Variants in CACNA1F observed in about 807,000 individuals in gnomAD.
The protein encoded by CACNA1F is calcium voltage-gated channel subunit alpha1 F.
In CACNA1F, 59 loss-of-function variants were observed where a neutral mutation model predicts 143.8. The ratio of observed to expected loss-of-function variants is 0.41; its 90% CI spans 0.33 to 0.51. CACNA1F has a LOEUF of 0.51. CACNA1F is among the 20% of genes least tolerant of loss of function. CACNA1F has a pLI of 0.22. For synonymous variants in CACNA1F, 643 were observed against 649.1 expected (o/e 0.99, Z 0.14); for missense variants, 1,411 against 1,647.5 (o/e 0.86, Z 2.48).
chrX:49,206,325 A>G (rs868990127), intron 46 of CACNA1F, among the ~76,000 whole-genome samples, 186 bp downstream of exon 46: 4 of 89,398 alleles, frequency 4.5e-5, no homozygotes, highest in Non-Finnish European at 6.2e-5. Flanking sequence ...CCCGGGAGGC[A>G]GGGGTTACAG....
At position 49,230,997 on chromosome X, in the gene CACNA1F, T is replaced by C. The variant is rs368266399; in HGVS notation, c.382-8A>G. 2 of 718,434 alleles carry C rather than the reference T, an allele frequency of 2.8e-6. No individual in the cohort carries two copies. The highest frequency in any genetic ancestry group is 3.0e-5 in the African/African-American group (1 of 33,051). 59.2% of individuals were successfully genotyped at this position (718,434 alleles called of 1,213,427 possible). Reference sequence around the variant, plus strand: ...TACGTACTCCACCTGCTCCTGGGGGTGGGACCGGGGGGCGGGTCGGGAAGT... The same window carrying C: ...TACGTACTCCACCTGCTCCTGGGGGCGGGACCGGGGGGCGGGTCGGGAAGT... On this transcript the variant is annotated splice_region_variant and splice_polypyrimidine_tract_variant and intron_variant, in intron 3 of 47. Transcript: ENST00000323022.
chrX:49,220,482 C>T lies in CACNA1F; in HGVS notation c.2377G>A (p.Glu793Lys), dbSNP rs782325266. The change falls in exon 19 of 48, where the codon GAA (glutamate) becomes AAA (lysine). Residue 793 changes from glutamate to lysine, a missense_variant. By Grantham distance (56) the Glu-to-Lys change is moderately conservative. This residue lies in a region of CACNA1F where 950 missense variants were observed against 1,128.1 expected (regional missense o/e 0.84). Transcript: ENST00000323022. The part of the protein sequence containing the change: ...EKEEEEGARR[E>K]GADMEEEEEE... Reference sequence around the variant, plus strand: ...GGCCCTGCCCACTTGCCTGCTCCTTCCCTCCTTGCACCCTCCTCTTCCTCT... The same window carrying T: ...GGCCCTGCCCACTTGCCTGCTCCTTTCCTCCTTGCACCCTCCTCTTCCTCT... The T allele has an allele frequency of 8.3e-7, 1 of 1,208,766 alleles. No homozygotes were observed. Among genetic ancestry groups the T allele is most frequent in the South Asian group, 1.8e-5 (1 of 56,542 alleles).
intron 37 of CACNA1F, 131 bp downstream of exon 37, chrX:49,210,834 G>A: frequency 2.3e-6 from 2 of 864,552 alleles, no homozygotes; most frequent in Non-Finnish European, 3.4e-6. Context: ...GGCAGAGGAT[G>A]GGGCAGTGGA....
chrX:49,217,932 A>C lies in CACNA1F; in HGVS notation c.3002T>G (p.Phe1001Cys), dbSNP rs1265734269. ...NIMIVTTLLQ[F>C]MFACIGVQLF... ...CTGCACCCCGATGCAGGCGAACATA[A>C]ATTGCAGAAGTGTGGTGACAATCAT... Residue 1001 changes from phenylalanine to cysteine, a missense_variant, in exon 25 of 48, where the codon TTT (phenylalanine) becomes TGT (cysteine). Phe to Cys is a radical substitution (Grantham distance 205). Coordinates refer to ENST00000323022, the MANE Select transcript of CACNA1F (RefSeq NM_001256789.3). The C allele has an allele frequency of 8.3e-7, 1 of 1,208,586 alleles. No homozygotes were observed. Among genetic ancestry groups the C allele is most frequent in the African/African-American group, 1.8e-5 (1 of 56,882 alleles).
intron 26 of CACNA1F, 58 bp from the exon 27 acceptor site, chrX:49,216,586 T>C: frequency 9.4e-7 from 1 of 1,065,892 alleles, no homozygotes. Context: ...GGGGAAAGGG[T>C]CTGGGGTCTC....
rs1433348460 is a variant in CACNA1F, at chrX:49,228,241, T to A, written c.1014+10A>T. On this transcript the variant is annotated intron_variant, in intron 7 of 47. Coordinates refer to ENST00000323022, the MANE Select transcript of CACNA1F (RefSeq NM_001256789.3). Reference sequence around the variant, plus strand: ...CAGCCTTTGAGCTCTGTGCCCACAGTCCACCTCACCCAGTAGAGCACATCG... The same window carrying A: ...CAGCCTTTGAGCTCTGTGCCCACAGACCACCTCACCCAGTAGAGCACATCG... 2 of 1,206,726 alleles carry A rather than the reference T, an allele frequency of 1.7e-6. No individual in the cohort carries two copies. Among genetic ancestry groups the A allele is most frequent in the Non-Finnish European group, 2.2e-6 (2 of 891,687 alleles).
intron 26 of CACNA1F, 35 bp from the exon 27 acceptor site, chrX:49,216,563 G>A: frequency 8.5e-7 from 1 of 1,176,775 alleles, no homozygotes; most frequent in Non-Finnish European, 1.1e-6. Flanking sequence ...TGGGTGAGGA[G>A]GGGTGAGGAA....
intron 8 of CACNA1F, among the ~76,000 whole-genome samples, chrX:49,227,581 C>G (rs1474649442): frequency 8.9e-6 from 1 of 112,346 alleles, no homozygotes; most frequent in Non-Finnish European, 1.9e-5. Context: ...CTGCCTTGGC[C>G]TCCCATAGTG....
intron 1 of CACNA1F, 100 bp from the exon 2 acceptor site, chrX:49,232,027 G>C: frequency 3.4e-6 from 3 of 891,449 alleles, no homozygotes; most frequent in African/African-American, 2.0e-5. Context: ...GGAGAGAAGA[G>C]CATGGAAAAT....
At position 49,218,625 on chromosome X, in the gene CACNA1F, T is replaced by G. The variant is rs781973459; in HGVS notation, c.2840+4A>C. On this transcript the variant is annotated splice_donor_region_variant and intron_variant, in intron 23 of 47. Coordinates refer to ENST00000323022, the MANE Select transcript of CACNA1F (RefSeq NM_001256789.3). ...ATGGGGTGGGCTGGGGATCTGTCAC[T>G]TACTGGATGCCAAAGGAGATGAGGG... 1.7e-6 allele frequency: 2 copies of G among 1,193,490 alleles called. No individual in the cohort carries two copies. Among genetic ancestry groups the G allele is most frequent in the South Asian group, 1.8e-5 (1 of 54,958 alleles).
At chrX:49,228,710 G>A (rs374997754) in intron 6 of CACNA1F, among the ~76,000 whole-genome samples, 8 of 112,476 alleles carry the variant, frequency 7.1e-5, no homozygotes, top group African/African-American at 1.3e-4. Context: ...GATTACCGGC[G>A]TGTGCCACAA....
intron 26 of CACNA1F, among the ~76,000 whole-genome samples, chrX:49,217,137 T>G (rs2065725509): frequency 9.0e-6 from 1 of 111,714 alleles, no homozygotes; most frequent in African/African-American, 3.3e-5. Flanking sequence ...TTTTGTATTT[T>G]TAGTGGAGAC....
chrX:49,228,344 A>G lies in CACNA1F; in HGVS notation c.921T>C (p.Asn307=). ...TECRGRWPGP[N]GGITNFDNFF... is the part of the protein sequence containing the mutation. ...AGTTGTCAAAGTTGGTGATGCCTCC[A>G]TTGGGCCCTGGCCAGCGCCCGCGGC... Residue 307 remains asparagine, a synonymous_variant, in exon 7 of 48, where the codon AAT becomes AAC. Coordinates refer to ENST00000323022, the MANE Select transcript of CACNA1F (RefSeq NM_001256789.3). 1 of 1,211,040 alleles carries G rather than the reference A, an allele frequency of 8.3e-7. No individual in the cohort carries two copies. The highest frequency in any genetic ancestry group is 1.1e-6 in the Non-Finnish European group (1 of 894,674).
At chrX:49,225,061 TG>T in intron 13 of CACNA1F, 75 bp from the exon 14 acceptor site, 2 of 670,001 alleles carry the variant, frequency 3.0e-6, no homozygotes, top group East Asian at 3.5e-5. Flanking sequence ...CTAGGGACCA[TG>T]GGGTGACCCA....
intron 26 of CACNA1F, among the ~76,000 whole-genome samples, chrX:49,217,291 T>C (rs944665340): frequency 7.1e-5 from 8 of 113,070 alleles, no homozygotes; most frequent in African/African-American, 2.6e-4. Flanking sequence ...AACTTTACAT[T>C]GTACAAAGTA....
intron 32 of CACNA1F, 63 bp from the exon 33 acceptor site, chrX:49,212,858 A>T: frequency 6.8e-6 from 8 of 1,181,650 alleles, no homozygotes; most frequent in Non-Finnish European, 9.2e-6. Flanking sequence ...TCCCTATCTC[A>T]TGCTTTGGCC....
At chrX:49,212,914 T>C in intron 32 of CACNA1F, 60 bp downstream of exon 32, 1 of 1,176,836 alleles carries the variant, frequency 8.5e-7, no homozygotes, top group Admixed American at 2.3e-5. Flanking sequence ...TCTGGAGGGA[T>C]GGAGGGACAG....
chrX:49,221,361 G>A (rs2065773250), intron 17 of CACNA1F, among the ~76,000 whole-genome samples: 1 of 111,063 alleles, frequency 9.0e-6, no homozygotes, highest in Admixed American at 9.6e-5. Context: ...TTCCTCCACT[G>A]ACCTTCACTC....
chrX:49,223,008 C>A lies in CACNA1F; in HGVS notation c.2006G>T (p.Gly669Val). 8.3e-7 allele frequency: 1 copy of A among 1,198,663 alleles called. No homozygotes were observed. The highest frequency in any genetic ancestry group is 1.1e-6 in the Non-Finnish European group (1 of 888,708). Reference sequence around the variant, plus strand: ...GTGGGTCTGGTCAAAGTTGAACTTGCCCCCAAACAGCTGCATGCCAAGCAG... The same window carrying A: ...GTGGGTCTGGTCAAAGTTGAACTTGACCCCAAACAGCTGCATGCCAAGCAG... ...FSLLGMQLFG[G>V]KFNFDQTHTK... The change falls in exon 15 of 48, where the codon GGC (glycine) becomes GTC (valine). Residue 669 changes from glycine to valine, a missense_variant. Gly to Val is a moderately radical substitution (Grantham distance 109). Transcript: ENST00000323022.
Sources: allele counts gnomAD v4.1 joint callset (sites outside exome capture counted in the v4.1 genomes callset), GRCh38; gene constraint gnomAD v4.1.1; regional missense constraint gnomAD v4.1.1; transcripts MANE v1.5; gene names NCBI Gene and HGNC (gene_info 2026-07-23, HGNC 2026-07-21).